MARK2: variants seen among roughly 807,000 people sequenced by gnomAD.
MARK2 encodes serine/threonine-protein kinase MARK2.
Under a neutral mutation model 89.8 loss-of-function variants are expected in MARK2, and 16 were observed. The ratio of observed to expected loss-of-function variants is 0.18; its 90% CI spans 0.12 to 0.27. The LOEUF is 0.27. MARK2 is among the 10% of genes least tolerant of loss of function. The pLI, the probability that MARK2 is intolerant of heterozygous loss-of-function variation, is 1.00. For missense variants in MARK2, 621 were observed against 1,049.9 expected (o/e 0.59, Z 5.65); for synonymous variants, 382 against 399.5 (o/e 0.96, Z 0.52).
chr11:63,839,659 C>A, intron 1 of MARK2, 99 bp downstream of exon 1: 1 of 782,034 alleles, frequency 1.3e-6, no homozygotes, highest in South Asian at 1.6e-5. Context: ...CTGCTGCCAT[C>A]CTGCAAGCCT....
chr11:63,910,591 C>CT lies in MARK2; in HGVS notation c.*1355dup, dbSNP rs1941687135. 2 of 151,996 alleles carry CT rather than the reference C, an allele frequency of 1.3e-5. No individual in the cohort carries two copies. Among genetic ancestry groups the CT allele is most frequent in the Admixed American group, 1.3e-4 (2 of 15,274 alleles). The allele number at this position is 151,996 out of a possible 1,614,324, so 9.4% of individuals were successfully genotyped here. On this transcript the variant is annotated 3_prime_UTR_variant, in exon 19 of 19. Coordinates refer to ENST00000402010, the MANE Select transcript of MARK2 (RefSeq NM_001039469.3). ...TGGGAGTCCTACACAGAGGCTGCCC[C>CT]TACCCTCACCTGAGTTGTACATTTT...
intron 1 of MARK2, among the ~76,000 whole-genome samples, chr11:63,839,992 C>T (rs751626814): frequency 2.6e-5 from 4 of 152,212 alleles, no homozygotes; most frequent in Non-Finnish European, 4.4e-5. Flanking sequence ...GCTTCCCCTC[C>T]GCCCGCACCG....
At chr11:63,841,914 T>C (rs1404224565) in intron 1 of MARK2, among the ~76,000 whole-genome samples, 2 of 152,248 alleles carry the variant, frequency 1.3e-5, no homozygotes, top group African/African-American at 4.8e-5. Context: ...CACCGTAGTG[T>C]GCATCCACTG....
At chr11:63,898,499 T>C in intron 4 of MARK2, 109 bp from the exon 5 acceptor site, 1 of 946,794 alleles carries the variant, frequency 1.1e-6, no homozygotes. Context: ...GAGTGGGGGA[T>C]CATGAAAGGA....
rs114045294 is a variant in MARK2 at position 63,844,224 on chromosome 11, A to C, written c.54+4664A>C. On this transcript the variant is annotated intron_variant, in intron 1 of 18. Coordinates refer to ENST00000402010, the MANE Select transcript of MARK2 (RefSeq NM_001039469.3). ...GTCAGGCACCATGGCTCATGCCTGT[A>C]GTCCTAGCACTTTGGGAAGCCAAGG... Among the ~76,000 whole-genome samples, 236 of 152,346 alleles carry C rather than the reference A, an allele frequency of 1.5e-3. 1 individual carries two copies. The highest frequency in any genetic ancestry group is 5.4e-3 in the African/African-American group (226 of 41,580).
At chr11:63,863,725 A>G (rs1937954066) in intron 1 of MARK2, among the ~76,000 whole-genome samples, 1 of 151,154 alleles carries the variant, frequency 6.6e-6, no homozygotes, top group Non-Finnish European at 1.5e-5. Context: ...TTGCCTCCCA[A>G]AGTGCTGGGA....
In MARK2 at chr11:63,902,456, A is replaced by C; in HGVS notation, c.1234+126A>C. 1 of 1,403,012 alleles carries C rather than the reference A, an allele frequency of 7.1e-7. No homozygotes were observed. Among genetic ancestry groups the C allele is most frequent in the East Asian group, 2.4e-5 (1 of 42,128 alleles). 86.9% of individuals were successfully genotyped at this position (1,403,012 alleles called of 1,614,324 possible). On this transcript the variant is annotated intron_variant, in intron 12 of 18. Transcript: ENST00000402010. This position sits in a 1 kb window ranked among gnomAD's most constrained non-coding sequence, Gnocchi z 4.2. Reference sequence around the variant, plus strand: ...TCAGCCACTTATTAGTAGTGTGGCTATGGGCAAGCCACTTCCCTTCCCTCG... The same window carrying C: ...TCAGCCACTTATTAGTAGTGTGGCTCTGGGCAAGCCACTTCCCTTCCCTCG...
At position 63,909,411 on chromosome 11, in the gene MARK2, A is replaced by C; in HGVS notation, c.*174A>C. On this transcript the variant is annotated 3_prime_UTR_variant, in exon 19 of 19. Coordinates refer to ENST00000402010, the MANE Select transcript of MARK2 (RefSeq NM_001039469.3). Reference sequence around the variant, plus strand: ...CTTACATGTTTGTGGGGGGTGGGAGATTGTTCTCCAGCACCCCACATTCAC... The same window carrying C: ...CTTACATGTTTGTGGGGGGTGGGAGCTTGTTCTCCAGCACCCCACATTCAC... 1 of 634,616 alleles carries C rather than the reference A, an allele frequency of 1.6e-6. No individual in the cohort carries two copies. Among genetic ancestry groups the C allele is most frequent in the Non-Finnish European group, 2.5e-6 (1 of 396,410 alleles). 39.3% of individuals were successfully genotyped at this position (634,616 alleles called of 1,614,324 possible).
chr11:63,908,859 C>G lies in MARK2; in HGVS notation c.2007-18C>G. On this transcript the variant is annotated intron_variant, in intron 18 of 18. Coordinates refer to ENST00000402010, the MANE Select transcript of MARK2 (RefSeq NM_001039469.3). ...TGCCTCAGCCCCCCCGTGACGCCCG[C>G]CTCTGCCCTCTCCACAGACCTCACG... The G allele has an allele frequency of 6.8e-7, 1 of 1,472,000 alleles. No individual in the cohort carries two copies. The highest frequency in any genetic ancestry group is 9.0e-7 in the Non-Finnish European group (1 of 1,108,740). 91.2% of individuals were successfully genotyped at this position (1,472,000 alleles called of 1,614,324 possible).
chr11:63,896,272 A>G (rs774171427), intron 3 of MARK2, among the ~76,000 whole-genome samples: 9 of 152,196 alleles, frequency 5.9e-5, no homozygotes, highest in South Asian at 2.1e-4. Flanking sequence ...GGCCAGCCCT[A>G]TGCAAAAACA....
At chr11:63,894,796 T>A (rs1404317385) in intron 1 of MARK2, among the ~76,000 whole-genome samples, 2 of 152,196 alleles carry the variant, frequency 1.3e-5, no homozygotes, top group African/African-American at 4.8e-5. Flanking sequence ...GACTTTGAGA[T>A]GCAGTCTTCT....
At chr11:63,906,948 C>T (rs535923633) in intron 17 of MARK2, among the ~76,000 whole-genome samples, 30 of 152,200 alleles carry the variant, frequency 2.0e-4, no homozygotes, top group South Asian at 6.2e-4. Context: ...TCTAGGGCAA[C>T]GGCCATTCTA....
At chr11:63,867,209 G>A (rs865942178) in intron 1 of MARK2, among the ~76,000 whole-genome samples, 3 of 152,180 alleles carry the variant, frequency 2.0e-5, no homozygotes, top group Non-Finnish European at 2.9e-5. Context: ...TGCGTTTTTT[G>A]TAGAGACAGG....
Position 63,902,723 on chromosome 11 carries a change from G to A in MARK2, c.1357G>A (p.Val453Met). The A allele has an allele frequency of 1.9e-6, 3 of 1,614,010 alleles. No homozygotes were observed. The highest frequency in any genetic ancestry group is 2.2e-5 in the South Asian group (2 of 91,078). Residue 453 changes from valine (V) to methionine (M), a missense_variant, in exon 13 of 19, where the codon GTG (valine) becomes ATG (methionine). Transcript: ENST00000402010. The surrounding 1 kb of genome is among the most constrained non-coding windows in gnomAD (Gnocchi z 4.2). ...GCGGAAAGCCAGCAGCACAGCCAAG[G>A]TGCCTGCCAGCCCCCTGCCCGGTCT... ...SGRKASSTAK[V>M]PASPLPGLER...
Position 63,903,191 on chromosome 11 carries a change from C to G in MARK2, c.1514+33C>G, listed in dbSNP as rs1056248696. The G allele has an allele frequency of 1.3e-6, 2 of 1,515,970 alleles. No homozygotes were observed. Among genetic ancestry groups the G allele is most frequent in the African/African-American group, 2.7e-5 (2 of 72,930 alleles). The allele number at this position is 1,515,970 out of a possible 1,614,324, so 93.9% of individuals were successfully genotyped here. ...ACCCGGGCCCTGCCTGCCTCACTCCCTAGGAGCCATGTCTCACAGGGTGAT... is the reference window on the plus strand; with the variant it reads ...ACCCGGGCCCTGCCTGCCTCACTCCGTAGGAGCCATGTCTCACAGGGTGAT... On this transcript the variant is annotated intron_variant, in intron 14 of 18. Transcript: ENST00000402010. The surrounding 1 kb of genome is among the most constrained non-coding windows in gnomAD (Gnocchi z 5.1).
intron 1 of MARK2, among the ~76,000 whole-genome samples, chr11:63,845,732 CT>C (rs528965764): frequency 1.3e-5 from 2 of 151,266 alleles, no homozygotes; most frequent in Non-Finnish European, 3.0e-5. Context: ...CATTGCTCGT[CT>C]TTTTTTTTGA....
chr11:63,879,039 T>G (rs1938938728), intron 1 of MARK2, among the ~76,000 whole-genome samples: 1 of 152,172 alleles, frequency 6.6e-6, no homozygotes. Context: ...GCACGGTGAC[T>G]CACGCCTGTA....
chr11:63,882,617 G>A (rs1939163470), intron 1 of MARK2: 1 of 152,112 alleles, frequency 6.6e-6, no homozygotes, highest in Non-Finnish European at 1.5e-5. Flanking sequence ...AAATTTGTGT[G>A]TCATCCTTGC....
At chr11:63,857,871 C>G (rs1183600439) in intron 1 of MARK2, among the ~76,000 whole-genome samples, 3 of 151,748 alleles carry the variant, frequency 2.0e-5, no homozygotes, top group Non-Finnish European at 2.9e-5. Flanking sequence ...GAGACAAGTT[C>G]TCATTCTGTC....
Sources: allele counts gnomAD v4.1 joint callset (sites outside exome capture counted in the v4.1 genomes callset), GRCh38; gene constraint gnomAD v4.1.1; non-coding constraint Gnocchi (gnomAD v3.1); transcripts MANE v1.5; gene names NCBI Gene and HGNC (gene_info 2026-07-23, HGNC 2026-07-21).